Variants in MUC4 observed in about 807,000 individuals in gnomAD.
MUC4 encodes the protein mucin 4, cell surface associated.
In MUC4, 202 loss-of-function variants were observed where a neutral mutation model predicts 257.9. The observed-to-expected ratio is 0.78, with a 90% CI of 0.70 to 0.88. The LOEUF is 0.88. Among genes scored for constraint, MUC4 ranks in the 40% least tolerant of loss-of-function variants. The pLI is 0.00. For missense variants in MUC4, 5,976 were observed against 6,513.7 expected, an observed-to-expected ratio of 0.92 and a Z score of 2.84; for synonymous variants, 2,351 against 2,757.1, an observed-to-expected ratio of 0.85 and a Z score of 4.62.
At chr3:195,775,830 T>C (rs374144239) in intron 3 of MUC4, among the ~76,000 whole-genome samples, 138 of 8,730 alleles carry the variant, frequency 0.016, 10 homozygotes, top group African/African-American at 0.046. Flanking sequence ...CCTTCCACGG[T>C]CATACCTTCC....
chr3:195,773,398 C>G (rs1223682666), intron 4 of MUC4, among the ~76,000 whole-genome samples: 6 of 151,196 alleles, frequency 4.0e-5, no homozygotes, highest in Non-Finnish European at 8.9e-5. Flanking sequence ...GCAGACACCC[C>G]ATCTCCATCA....
At position 195,789,836 on chromosome 3, in the gene MUC4, G is replaced by A. The variant is rs1733634648; in HGVS notation, c.1744C>T (p.Pro582Ser). ...GTTGEALLSSPSYSVTQMIKT... is the reference protein window; with the variant it reads ...GTTGEALLSSSSYSVTQMIKT... ...ATCATCTGAGTCACACTGTAGCTTG[G>A]GCTGCTGAGAAGAGCCTCTCCAGTG... The change falls in exon 2 of 25, where the codon CCA becomes TCA. Residue 582 changes from proline (P) to serine (S), a missense_variant. Transcript: ENST00000463781. The A allele has an allele frequency of 3.1e-6, 5 of 1,613,868 alleles. No individual in the cohort carries two copies. In the African/African-American group the frequency reaches 4.0e-5, roughly 13 times the overall value.
intron 4 of MUC4, among the ~76,000 whole-genome samples, chr3:195,772,560 C>G (rs1179693419): frequency 7.7e-6 from 1 of 129,476 alleles, no homozygotes; most frequent in East Asian, 2.2e-4. Flanking sequence ...CACCCTCTCT[C>G]CACCGCTCAG....
In MUC4 at chr3:195,762,209, CCGTTG is replaced by C. The variant is rs778050501; in HGVS notation, c.14385_14389del (p.Asn4796LeufsTer2). 2 of 1,597,634 alleles carry C rather than the reference CCGTTG, an allele frequency of 1.3e-6. No individual in the cohort carries two copies. The highest frequency in any genetic ancestry group is 1.7e-6 in the Non-Finnish European group (2 of 1,172,324). On this transcript the variant is annotated frameshift_variant, in exon 14 of 25. Coordinates refer to ENST00000463781, the MANE Select transcript of MUC4 (RefSeq NM_018406.7). LOFTEE classifies it high-confidence loss of function. ...GTCGAAGCTGGCCGAGACCTCAGAG[CCGTTG>C]CGGCTCAGGAGGACTCCGGTGGCGT...
intron 1 of MUC4, among the ~76,000 whole-genome samples, chr3:195,801,217 C>G (rs2641774): frequency 0.49 from 74,016 of 151,712 alleles, 18,717 homozygotes; most frequent in East Asian, 0.75. Context: ...CAGGTTCCGT[C>G]AGATTGTCAG....
chr3:195,758,076 C>T (rs1010060910), intron 17 of MUC4, among the ~76,000 whole-genome samples: 10 of 152,194 alleles, frequency 6.6e-5, no homozygotes, highest in Non-Finnish European at 1.2e-4. Flanking sequence ...GCAAAGAGAA[C>T]GCAAAATATG....
chr3:195,767,575 A>ATCACCATCACCATTACCATTG (rs1560261898), intron 7 of MUC4, among the ~76,000 whole-genome samples: 10 of 105,420 alleles, frequency 9.5e-5, no homozygotes, highest in Admixed American at 3.5e-4. Flanking sequence ...CACCACCATC[A>ATCACCATCACCATTACCATTG]CCACCACCAT....
At position 195,749,228 on chromosome 3, in the gene MUC4, T is replaced by G. The variant is rs375838909; in HGVS notation, c.15872-164A>C. Reference sequence around the variant, plus strand: ...TTCAGATCAGCATGGTGGATAATAGTAACGTTTCAGAAGTAGGGTCTGGTT... The same window carrying G: ...TTCAGATCAGCATGGTGGATAATAGGAACGTTTCAGAAGTAGGGTCTGGTT... On this transcript the variant is annotated intron_variant, in intron 23 of 24. Transcript: ENST00000463781. Among the ~76,000 whole-genome samples the G allele has an allele frequency of 1.0e-3, 152 of 152,374 alleles. No individual in the cohort carries two copies. The Middle Eastern group carries it at 0.027, about 27-fold the overall frequency.
chr3:195,773,143 T>G (rs1230604600), intron 4 of MUC4, among the ~76,000 whole-genome samples: 4 of 148,164 alleles, frequency 2.7e-5, no homozygotes, highest in African/African-American at 1.0e-4. Flanking sequence ...TCTCCATCGC[T>G]CAGGGGTGTA....
At chr3:195,804,165 C>G (rs1390309833) in intron 1 of MUC4, among the ~76,000 whole-genome samples, 1 of 152,232 alleles carries the variant, frequency 6.6e-6, no homozygotes, top group Non-Finnish European at 1.5e-5. Context: ...TTCCCCACAT[C>G]TGAGTCCTTG....
chr3:195,798,460 T>C (rs1285604912), intron 1 of MUC4, among the ~76,000 whole-genome samples: 1 of 152,144 alleles, frequency 6.6e-6, no homozygotes, highest in African/African-American at 2.4e-5. Flanking sequence ...TCCCAGCGCT[T>C]TGTGAGGCTG....
At chr3:195,797,010 A>G (rs1734659128) in intron 1 of MUC4, among the ~76,000 whole-genome samples, 1 of 152,240 alleles carries the variant, frequency 6.6e-6, no homozygotes, top group African/African-American at 2.4e-5. Flanking sequence ...TGGCAGGCCG[A>G]GGCAGGCGGA....
intron 14 of MUC4, 123 bp downstream of exon 14, chr3:195,761,964 A>G: frequency 8.4e-7 from 1 of 1,191,394 alleles, no homozygotes; most frequent in Non-Finnish European, 1.1e-6. Flanking sequence ...CTGTGCCCCA[A>G]GGGTTCTGCT....
At chr3:195,761,420 G>T in intron 15 of MUC4, 64 bp downstream of exon 15, 5 of 1,361,856 alleles carry the variant, frequency 3.7e-6, no homozygotes, top group Non-Finnish European at 5.2e-6. Context: ...GGCCGAGGGG[G>T]ACGACATAAA....
chr3:195,749,158 T>C, intron 23 of MUC4, 94 bp from the exon 24 acceptor site: 1 of 1,464,600 alleles, frequency 6.8e-7, no homozygotes, highest in Non-Finnish European at 9.3e-7. Context: ...GTGTTTATCC[T>C]GAGAAATAAT....
chr3:195,767,719 C>T (rs1257749071), intron 7 of MUC4, among the ~76,000 whole-genome samples: 37,741 of 41,330 alleles, frequency 0.91, 18,069 homozygotes, highest in Admixed American at 0.94. Context: ...CATCGGCCAC[C>T]ACCACCATCA....
chr3:195,747,193 C>G lies in MUC4; in HGVS notation c.16222G>C (p.Ala5408Pro), dbSNP rs780476184. 1.7e-5 allele frequency: 28 copies of G among 1,614,158 alleles called. No homozygotes were observed. In the East Asian group the frequency reaches 6.2e-4, roughly 36 times the overall value. The part of the protein sequence containing the change: ...GARFSYFLNS[A>P]EALP ...CTGCCCCTTCAAGGCAAGGCCTCAG[C>G]TGAGTTCAGGAAATAGGAGAACCTG... Residue 5408 changes from alanine (A) to proline (P), a missense_variant, in exon 25 of 25, where the codon GCT becomes CCT. Around this residue, in one of 44 missense-constraint regions of MUC4, gnomAD observed 310 missense variants for 242.1 expected, o/e 1.28. Coordinates refer to ENST00000463781, the MANE Select transcript of MUC4 (RefSeq NM_018406.7).
At position 195,752,296 on chromosome 3, in the gene MUC4, C is replaced by T. The variant is rs141946842; in HGVS notation, c.15582+77G>A. 1.5e-4 allele frequency: 197 copies of T among 1,309,480 alleles called. 5 individuals are homozygous for T. In the South Asian group the frequency reaches 1.6e-3, roughly 11 times the overall value. 81.1% of individuals were successfully genotyped at this position (1,309,480 alleles called of 1,614,324 possible). On this transcript the variant is annotated intron_variant, in intron 21 of 24. Transcript: ENST00000463781. ...TCCAGATGGATGACAAGATGAAGGC[C>T]GCACAGCGATGGTTCCGCCCTGGCC...
rs1350749008 is a variant in MUC4 at position 195,763,752 on chromosome 3, C to T, written c.14045-111G>A. 2.6e-6 allele frequency: 3 copies of T among 1,163,354 alleles called. No homozygotes were observed. In the African/African-American group the frequency reaches 4.7e-5, roughly 18 times the overall value. 72.1% of individuals were successfully genotyped at this position (1,163,354 alleles called of 1,614,324 possible). A position where few individuals can be genotyped will look rare whatever the true frequency, so the allele number is the denominator to read the frequency against. On this transcript the variant is annotated intron_variant, in intron 11 of 24. Coordinates refer to ENST00000463781, the MANE Select transcript of MUC4 (RefSeq NM_018406.7). ...TCCAGGAGGACTCAGGGTGAGGTTC[C>T]TCACTGCAGTCGACTGGGGCACTTG...
Sources: allele counts gnomAD v4.1 joint callset (sites outside exome capture counted in the v4.1 genomes callset), GRCh38; gene constraint gnomAD v4.1.1; regional missense constraint gnomAD v4.1.1; transcripts MANE v1.5; gene names NCBI Gene and HGNC (gene_info 2026-07-23, HGNC 2026-07-21).